Variants in CRHR2 observed in about 807,000 individuals in gnomAD.
CRHR2 encodes the protein corticotropin-releasing hormone receptor 2.
A neutral mutation model predicts 57.9 loss-of-function variants in CRHR2; 53 were observed. The observed-to-expected ratio is 0.92, with a 90% CI of 0.73 to 1.15. CRHR2 has a LOEUF of 1.15. CRHR2 is among the 50% of genes most tolerant of loss of function. CRHR2 has a pLI of 0.00. For synonymous variants in CRHR2, 213 were observed against 220.9 expected (o/e 0.96, Z 0.32); for missense variants, 532 against 542.6 (o/e 0.98, Z 0.19).
chr7:30,654,804 C>T (rs1324857600), intron 11 of CRHR2: 1 of 1,538,384 alleles, frequency 6.5e-7, no homozygotes, highest in East Asian at 2.4e-5. Context: ...CTTGCTCACC[C>T]AGCTCTGAGT....
intron 2 of CRHR2, among the ~76,000 whole-genome samples, chr7:30,670,662 C>T (rs1784327814): frequency 6.6e-6 from 1 of 152,236 alleles, no homozygotes; most frequent in Admixed American, 6.5e-5. Context: ...CCCTCAGGCA[C>T]AGCCTCGGAC....
chr7:30,674,509 AG>A (rs1290838202), intron 2 of CRHR2, among the ~76,000 whole-genome samples: 1 of 152,228 alleles, frequency 6.6e-6, no homozygotes, highest in East Asian at 1.9e-4. Context: ...AGGTCTGAAG[AG>A]GGGAGACCAC....
chr7:30,688,409 C>T (rs1298264636), intron 2 of CRHR2, among the ~76,000 whole-genome samples: 1 of 152,160 alleles, frequency 6.6e-6, no homozygotes, highest in Non-Finnish European at 1.5e-5. Flanking sequence ...TGGGCGAGGC[C>T]GCTGGGTGGA....
chr7:30,664,503 C>T (rs938087735), intron 5 of CRHR2, among the ~76,000 whole-genome samples: 1 of 152,194 alleles, frequency 6.6e-6, no homozygotes, highest in African/African-American at 2.4e-5. Context: ...GAGGTTAGTT[C>T]TAGCTTCCTT....
chr7:30,676,798 A>G (rs1784530562), intron 2 of CRHR2, among the ~76,000 whole-genome samples: 1 of 152,228 alleles, frequency 6.6e-6, no homozygotes, highest in African/African-American at 2.4e-5. Flanking sequence ...ATGTGTTTCC[A>G]TTGTAACACA....
chr7:30,696,570 A>G (rs1401093854), intron 1 of CRHR2, among the ~76,000 whole-genome samples: 1 of 152,030 alleles, frequency 6.6e-6, no homozygotes, highest in Non-Finnish European at 1.5e-5. Context: ...AAGTACAAAA[A>G]AAAATTAGCT....
intron 2 of CRHR2, among the ~76,000 whole-genome samples, chr7:30,681,309 C>T (rs1200373062): frequency 6.6e-6 from 1 of 152,204 alleles, no homozygotes; most frequent in Non-Finnish European, 1.5e-5. Context: ...TGCCCACAGC[C>T]CCTGACTCAG....
At chr7:30,689,080 C>A (rs1010316741) in intron 2 of CRHR2, 1 of 962,958 alleles carries the variant, frequency 1.0e-6, no homozygotes, top group African/African-American at 1.6e-5. Flanking sequence ...AAACCAGCAC[C>A]CCACCCACCA....
chr7:30,659,280 G>A (rs1476931531), intron 8 of CRHR2, among the ~76,000 whole-genome samples: 2 of 152,194 alleles, frequency 1.3e-5, no homozygotes, highest in Non-Finnish European at 2.9e-5. Context: ...TTGACACTGA[G>A]CTCTTGCGTT....
chr7:30,696,703 A>C (rs1453784028), intron 1 of CRHR2, among the ~76,000 whole-genome samples: 2 of 152,162 alleles, frequency 1.3e-5, no homozygotes, highest in Non-Finnish European at 2.9e-5. Flanking sequence ...CAGCCTGGGC[A>C]ACAGAGTGAG....
chr7:30,652,370 C>T lies in CRHR2; in HGVS notation c.*1090G>A, dbSNP rs3735430. The T allele has an allele frequency of 0.026, 4,005 of 152,448 alleles. 156 individuals carry two copies. Among genetic ancestry groups the T allele is most frequent in the East Asian group, 0.17 (904 of 5,170 alleles). The allele number at this position is 152,448 out of a possible 1,614,324, so 9.4% of individuals were successfully genotyped here. ...GTTGGGGGCTGGGGCCAGGTATTAGCCTGGTTGGAGTGATAAGGGACAGAC... is the reference window on the plus strand; with the variant it reads ...GTTGGGGGCTGGGGCCAGGTATTAGTCTGGTTGGAGTGATAAGGGACAGAC... On this transcript the variant is annotated 3_prime_UTR_variant, in exon 12 of 12. Transcript: ENST00000471646. The surrounding 1 kb of genome is among the most constrained non-coding windows in gnomAD (Gnocchi z 4.4).
chr7:30,682,144 C>T (rs1161456822), intron 1 of CRHR2, 34 bp downstream of exon 1: 1 of 1,536,498 alleles, frequency 6.5e-7, no homozygotes, highest in Non-Finnish European at 8.7e-7. Context: ...GAGAAGGAGC[C>T]CGCGCAGCCT....
At chr7:30,682,499 G>C (rs1784758001), upstream of CRHR2, 22 of 1,286,346 alleles carry the variant, frequency 1.7e-5, no homozygotes, top group Non-Finnish European at 2.2e-5. Flanking sequence ...ACGGAGCTGC[G>C]GGTACAGCCG....
chr7:30,666,938 T>A (rs971934306), intron 3 of CRHR2, among the ~76,000 whole-genome samples: 1 of 152,112 alleles, frequency 6.6e-6, no homozygotes, highest in African/African-American at 2.4e-5. Context: ...ACCCCTAAGA[T>A]GTTAGGAGCA....
intron 7 of CRHR2, 31 bp from the exon 8 acceptor site, chr7:30,660,676 C>A: frequency 6.4e-7 from 1 of 1,551,440 alleles, no homozygotes; most frequent in Non-Finnish European, 8.7e-7. Context: ...TAGGGGGCCT[C>A]CTGAGCTGGA....
At chr7:30,669,114 A>T (rs2128143691) in intron 2 of CRHR2, among the ~76,000 whole-genome samples, 1 of 152,310 alleles carries the variant, frequency 6.6e-6, no homozygotes, top group South Asian at 2.1e-4. Context: ...GCCTCTGAAC[A>T]GTCTATGTGA....
chr7:30,695,150 A>G (rs1785032568), intron 1 of CRHR2, among the ~76,000 whole-genome samples: 1 of 127,890 alleles, frequency 7.8e-6, no homozygotes, highest in Admixed American at 8.8e-5. Flanking sequence ...ATGGGAGCTG[A>G]GACTGGCCGA....
Position 30,665,098 on chromosome 7 carries a change from A to G in CRHR2, c.515T>C (p.Val172Ala). 1 of 1,614,052 alleles carries G rather than the reference A, an allele frequency of 6.2e-7. No individual in the cohort carries two copies. Among genetic ancestry groups the G allele is most frequent in the Non-Finnish European group, 8.5e-7 (1 of 1,180,006 alleles). ...RNVMWFLLQL[V>A]DHEVHESNEV... ...ATTGCTCTCGTGCACTTCATGGTCA[A>G]CGAGCTGCAGCAGGAACCACATGAC... Residue 172 changes from valine to alanine, a missense_variant, in exon 5 of 12, where the codon GTT (valine) becomes GCT (alanine). Coordinates refer to ENST00000471646, the MANE Select transcript of CRHR2 (RefSeq NM_001883.5). The surrounding 1 kb of genome is among the most constrained non-coding windows in gnomAD (Gnocchi z 4.5).
At chr7:30,689,369 C>T (rs961894169) in intron 1 of CRHR2, 12 of 1,106,894 alleles carry the variant, frequency 1.1e-5, no homozygotes, top group Non-Finnish European at 1.5e-5. Context: ...TATCCTATCA[C>T]TCATCCCTTA....
Sources: gnomAD v4.1 joint callset for allele counts (sites outside exome capture counted in the v4.1 genomes callset) on GRCh38, gnomAD v4.1.1 for gene constraint, Gnocchi (gnomAD v3.1) non-coding constraint, MANE v1.5 for transcripts, NCBI Gene and HGNC (gene_info 2026-07-23, HGNC 2026-07-21) for gene names.